RBFOX1: variants seen among roughly 807,000 people sequenced by gnomAD.
The protein encoded by RBFOX1 is RNA binding protein fox-1 homolog 1.
In RBFOX1, 8 loss-of-function variants were observed where a neutral mutation model predicts 57.7. That is an observed-to-expected ratio of 0.14 (90% CI 0.08 to 0.25). RBFOX1 has a LOEUF of 0.25. Ranked by LOEUF, RBFOX1 falls within the 10% of genes least tolerant of loss-of-function variation. RBFOX1 has a pLI of 1.00. For missense variants in RBFOX1, 611 were observed against 548.5 expected (o/e 1.11, Z -1.14); for synonymous variants, 326 against 222.4 (o/e 1.47, Z -4.15).
intron 5 of RBFOX1, among the ~76,000 whole-genome samples, chr16:7,575,620 G>A (rs2093260291): frequency 6.6e-6 from 1 of 152,148 alleles, no homozygotes; most frequent in Non-Finnish European, 1.5e-5. Context: ...GAGGAAGTGT[G>A]GCCCTCCTGG....
chr16:5,942,115 G>A (rs1165246663), intron 4 of RBFOX1, among the ~76,000 whole-genome samples: 1 of 151,994 alleles, frequency 6.6e-6, no homozygotes, highest in African/African-American at 2.4e-5. Context: ...CTGATGCCCA[G>A]GTACAGCCAA....
At chr16:7,558,489 A>G (rs1181498790) in intron 5 of RBFOX1, among the ~76,000 whole-genome samples, 1 of 152,106 alleles carries the variant, frequency 6.6e-6, no homozygotes, top group Non-Finnish European at 1.5e-5. Context: ...ACATGTGTAC[A>G]CATATTTTCG....
At chr16:7,575,116 A>T (rs1309168860) in intron 5 of RBFOX1, among the ~76,000 whole-genome samples, 1 of 151,886 alleles carries the variant, frequency 6.6e-6, no homozygotes, top group East Asian at 1.9e-4. Context: ...ATCCTCCTGG[A>T]TTTAGGATGG....
intron 12 of RBFOX1, among the ~76,000 whole-genome samples, chr16:7,657,368 G>A (rs940420663): frequency 1.2e-4 from 19 of 152,096 alleles, no homozygotes; most frequent in African/African-American, 4.1e-4. Flanking sequence ...GCAATGGCAC[G>A]ATCTCGACTC....
At chr16:7,401,688 C>G (rs1051575554) in intron 4 of RBFOX1, among the ~76,000 whole-genome samples, 1 of 152,132 alleles carries the variant, frequency 6.6e-6, no homozygotes, top group African/African-American at 2.4e-5. Context: ...GTCTTTGTTG[C>G]TTGCCTCCAG....
At chr16:7,303,827 TC>T (rs1227191065) in intron 4 of RBFOX1, among the ~76,000 whole-genome samples, 5 of 147,272 alleles carry the variant, frequency 3.4e-5, no homozygotes, top group African/African-American at 1.3e-4. Context: ...TCTACCTCCG[TC>T]CCACCCCTTC....
rs76186996 is a variant in RBFOX1, at chr16:6,114,339, A to G, written c.-127+94347A>G. The stretch of plus-strand genomic sequence containing the variant: ...AGGAATTTTATTTCCATCTTATGCA[A>G]TTAAGAATAATATCTCATGCGGCAT... On this transcript the variant is annotated intron_variant, in intron 1 of 15. Coordinates refer to ENST00000550418, the MANE Select transcript of RBFOX1 (RefSeq NM_018723.4). 8.0e-3 allele frequency among the ~76,000 whole-genome samples: 1,220 copies of G among 152,282 alleles called. 18 individuals carry two copies. Among genetic ancestry groups the G allele is most frequent in the African/African-American group, 0.027 (1,142 of 41,550 alleles).
intron 4 of RBFOX1, among the ~76,000 whole-genome samples, chr16:7,155,118 A>G (rs973996228): frequency 6.6e-6 from 1 of 152,180 alleles, no homozygotes; most frequent in Non-Finnish European, 1.5e-5. Context: ...TGTTTCAGAA[A>G]GATAAACAAC....
intron 2 of RBFOX1, among the ~76,000 whole-genome samples, chr16:6,510,476 G>A (rs925351865): frequency 2.0e-5 from 3 of 152,162 alleles, no homozygotes; most frequent in East Asian, 3.9e-4. Context: ...GGTCACAGAG[G>A]AGACCAGGTG....
chr16:7,572,833 T>C (rs1170059183), intron 5 of RBFOX1, among the ~76,000 whole-genome samples: 1 of 72,846 alleles, frequency 1.4e-5, no homozygotes, highest in Non-Finnish European at 3.3e-5. Context: ...AGTGAGAGTC[T>C]CTCTCAAATG....
At chr16:6,991,205 C>T (rs534616028) in intron 3 of RBFOX1, among the ~76,000 whole-genome samples, 2 of 147,212 alleles carry the variant, frequency 1.4e-5, no homozygotes, top group East Asian at 2.0e-4. Context: ...CAGAATGAGG[C>T]AGGAGAATTA....
chr16:7,427,689 G>A (rs867974224), intron 4 of RBFOX1, among the ~76,000 whole-genome samples: 7 of 150,114 alleles, frequency 4.7e-5, no homozygotes, highest in African/African-American at 9.8e-5. Context: ...CTGTTTCCCA[G>A]GCTAGAGTGC....
intron 4 of RBFOX1, among the ~76,000 whole-genome samples, chr16:6,012,345 G>A (rs2094966412): frequency 6.6e-6 from 1 of 152,198 alleles, no homozygotes; most frequent in Non-Finnish European, 1.5e-5. Context: ...GTTACTATTA[G>A]TAGTTCTGTT....
intron 14 of RBFOX1, among the ~76,000 whole-genome samples, chr16:7,700,199 C>G (rs778451072): frequency 3.9e-5 from 6 of 152,118 alleles, no homozygotes; most frequent in African/African-American, 1.2e-4. Flanking sequence ...TACCGGGAAG[C>G]TCACTGATCC....
Position 5,605,171 on chromosome 16 carries a change from G to T in RBFOX1, c.318+6210G>T, listed in dbSNP as rs569783702. On this transcript the variant is annotated intron_variant, in intron 3 of 19. Transcript: ENST00000641259. ...CTTGTTCCCTGTTTTACCCTCCAAG[G>T]TGCAGCAGAATGTTGAAGAAAGAGA... Among the ~76,000 whole-genome samples, 78 of 152,280 alleles carry T rather than the reference G, an allele frequency of 5.1e-4. 1 individual carries two copies. The highest frequency in any genetic ancestry group is 8.7e-4 in the Non-Finnish European group (59 of 68,032).
intron 2 of RBFOX1, among the ~76,000 whole-genome samples, chr16:5,549,108 G>A (rs937743395): frequency 1.3e-5 from 2 of 152,144 alleles, no homozygotes; most frequent in African/African-American, 4.8e-5. Context: ...TTCCAAAGAT[G>A]ACCCTATGAG....
At chr16:5,553,147 G>C (rs767428053) in intron 2 of RBFOX1, among the ~76,000 whole-genome samples, 48 of 152,152 alleles carry the variant, frequency 3.2e-4, no homozygotes, top group Non-Finnish European at 5.9e-4. Flanking sequence ...TGACGGGCTG[G>C]GGGAGAGATA....
intron 3 of RBFOX1, among the ~76,000 whole-genome samples, chr16:6,718,021 C>G (rs1420629931): frequency 6.6e-6 from 1 of 152,178 alleles, no homozygotes; most frequent in Non-Finnish European, 1.5e-5. Flanking sequence ...GTCATCACCA[C>G]CATCATCACT....
At chr16:5,411,298 G>T (rs1014142639) in intron 1 of RBFOX1, among the ~76,000 whole-genome samples, 2 of 152,340 alleles carry the variant, frequency 1.3e-5, no homozygotes, top group South Asian at 4.1e-4. Flanking sequence ...CTGGGTGAGT[G>T]CAGTGAAATC....
Sources: allele counts gnomAD v4.1 joint callset (sites outside exome capture counted in the v4.1 genomes callset), GRCh38; gene constraint gnomAD v4.1.1; transcripts MANE v1.5; gene names NCBI Gene and HGNC (gene_info 2026-07-23, HGNC 2026-07-21).